Variants in NBEAL2 observed in about 807,000 individuals in gnomAD.
NBEAL2 encodes the protein neurobeachin-like protein 2.
In NBEAL2, 160 loss-of-function variants were observed where a neutral mutation model predicts 299.8. The observed-to-expected ratio is 0.53, with a 90% confidence interval of 0.47 to 0.61. The LOEUF is 0.61. NBEAL2 is among the 20% of genes least tolerant of loss of function. NBEAL2 has a pLI of 0.00. For missense variants in NBEAL2, 3,112 were observed against 3,649.0 expected (o/e 0.85, Z 3.79); for synonymous variants, 1,493 against 1,542.3 (o/e 0.97, Z 0.75).
At position 47,009,208 on chromosome 3, in the gene NBEAL2, A is replaced by ACG; in HGVS notation, c.8164-9_8164-8dup. 1 of 1,586,570 alleles carries ACG rather than the reference A, an allele frequency of 6.3e-7. No homozygotes were observed. Among genetic ancestry groups the ACG allele is most frequent in the Non-Finnish European group, 8.6e-7 (1 of 1,168,326 alleles). On this transcript the variant is annotated splice_polypyrimidine_tract_variant and intron_variant, in intron 53 of 53. Transcript: ENST00000450053. ...TCCCAGCTGATCCTACTCAACCCTT[A>ACG]CGCCCACCAGGTGCGCAGCAGCCAG...
rs757422918 is a variant in NBEAL2 at position 46,991,260 on chromosome 3, T to C, written c.598T>C (p.Leu200=). Residue 200 remains leucine, a synonymous_variant, in exon 7 of 54, where the codon TTA becomes CTA. Transcript: ENST00000450053. The surrounding 1 kb of genome is among the most constrained non-coding windows in gnomAD (Gnocchi z 6.2). ...NADHLPPILL[L]RLIHLFCAVL... ...AGACCACTTGCCTCCCATACTGCTG[T>C]TACGTCTCATCCACCTCTTCTGCGC... 4 of 1,608,216 alleles carry C rather than the reference T, an allele frequency of 2.5e-6. No homozygotes were observed. In the African/African-American group the frequency reaches 5.4e-5, roughly 22 times the overall value.
In NBEAL2 at chr3:47,001,626, C is replaced by T; in HGVS notation, c.4645-63C>T. The T allele has an allele frequency of 6.3e-7, 1 of 1,594,958 alleles. No individual in the cohort carries two copies. ...CCCCCAGCGCAAACTTTACTTTGCT[C>T]CCTTTCCATGGACTCCTGGCCTCCC... is the stretch of plus-strand genomic sequence containing the variant. On this transcript the variant is annotated intron_variant, in intron 29 of 53. Coordinates refer to ENST00000450053, the MANE Select transcript of NBEAL2 (RefSeq NM_015175.3). This position sits in a 1 kb window ranked among gnomAD's most constrained non-coding sequence, Gnocchi z 6.1.
rs1356978964 is a variant in NBEAL2, at chr3:47,007,092, G to A, written c.7161G>A (p.Val2387=). ...AEVVSDGVPL[V]LALVPHRQPH... ...TTGTCAGTGATGGTGTACCCCTGGT[G>A]CTAGCCCTGGTCCCCCACCGGCAGC... The change falls in exon 46 of 54, where the codon GTG becomes GTA. Residue 2387 remains valine (V), a synonymous_variant. Transcript: ENST00000450053. 3 of 1,612,812 alleles carry A rather than the reference G, an allele frequency of 1.9e-6. No homozygotes were observed. Among genetic ancestry groups the A allele is most frequent in the Admixed American group, 3.3e-5 (2 of 59,880 alleles).
chr3:47,002,164 A>T lies in NBEAL2; in HGVS notation c.5027A>T (p.Tyr1676Phe). 2 of 1,536,610 alleles carry T rather than the reference A, an allele frequency of 1.3e-6. No homozygotes were observed. Among genetic ancestry groups the T allele is most frequent in the Non-Finnish European group, 1.8e-6 (2 of 1,137,564 alleles). Reference protein sequence around the residue: ...PLVRTLLDRAYEPLGLQWGLP... With the variant: ...PLVRTLLDRAFEPLGLQWGLP... ...GTGCGCACGCTGCTAGACCGTGCCTATGAGCCGCTGGGGCTGCAGTGGGGA... is the reference window on the plus strand; with the variant it reads ...GTGCGCACGCTGCTAGACCGTGCCTTTGAGCCGCTGGGGCTGCAGTGGGGA... The change falls in exon 31 of 54, where the codon TAT becomes TTT. Residue 1676 changes from tyrosine to phenylalanine, a missense_variant. Transcript: ENST00000450053.
At chr3:47,007,463 C>A in intron 47 of NBEAL2, 62 bp from the exon 48 acceptor site, 2 of 1,570,310 alleles carry the variant, frequency 1.3e-6, no homozygotes, top group East Asian at 4.7e-5. Context: ...GCCAGGCTCC[C>A]TGAGGGCCTG....
rs1017146023 is a variant in NBEAL2 at position 47,002,164 on chromosome 3, A to G, written c.5027A>G (p.Tyr1676Cys). ...PLVRTLLDRAYEPLGLQWGLP... is the reference protein window; with the variant it reads ...PLVRTLLDRACEPLGLQWGLP... ...GTGCGCACGCTGCTAGACCGTGCCT[A>G]TGAGCCGCTGGGGCTGCAGTGGGGA... The change falls in exon 31 of 54, where the codon TAT (tyrosine) becomes TGT (cysteine). Residue 1676 changes from tyrosine to cysteine, a missense_variant. Around this residue, in one of 3 missense-constraint regions of NBEAL2, gnomAD observed 2,243 missense variants for 2,538.1 expected, o/e 0.88. Coordinates refer to ENST00000450053, the MANE Select transcript of NBEAL2 (RefSeq NM_015175.3). 4.6e-6 allele frequency: 7 copies of G among 1,536,490 alleles called. No homozygotes were observed. The highest frequency in any genetic ancestry group is 6.2e-6 in the Non-Finnish European group (7 of 1,137,570).
Position 47,000,948 on chromosome 3 carries a change from C to T in NBEAL2, c.4306-53C>T, listed in dbSNP as rs1189137650. On this transcript the variant is annotated intron_variant, in intron 27 of 53. Transcript: ENST00000450053. The surrounding 1 kb of genome is among the most constrained non-coding windows in gnomAD (Gnocchi z 4.5). The stretch of plus-strand genomic sequence containing the variant: ...GGGATGGGTGGGCGTCAGCCTGATT[C>T]CCTCCCTTAGCCGCCCACAACCCAC... 4 of 1,552,678 alleles carry T rather than the reference C, an allele frequency of 2.6e-6. No homozygotes were observed. The highest frequency in any genetic ancestry group is 1.9e-4 in the Middle Eastern group (1 of 5,376).
Position 46,991,872 on chromosome 3 carries a change from C to T in NBEAL2, c.958C>T (p.Arg320Trp), listed in dbSNP as rs369120748. 4.4e-6 allele frequency: 7 copies of T among 1,601,906 alleles called. No homozygotes were observed. Among genetic ancestry groups the T allele is most frequent in the Admixed American group, 1.7e-5 (1 of 58,546 alleles). Reference sequence around the variant, plus strand: ...CCCCATGATGCTGGCATGTGAAGACCGGCCAGTGCTGCAAGCCACCTTCCT... The same window carrying T: ...CCCCATGATGCTGGCATGTGAAGACTGGCCAGTGCTGCAAGCCACCTTCCT... ...AIPMMLACEDRPVLQATFLSN... is the reference protein window; with the variant it reads ...AIPMMLACEDWPVLQATFLSN... The change falls in exon 9 of 54, where the codon CGG becomes TGG. Residue 320 changes from arginine to tryptophan, a missense_variant. Arg to Trp is a moderately radical substitution (Grantham distance 101, BLOSUM62 -3). Transcript: ENST00000450053. The surrounding 1 kb of genome is among the most constrained non-coding windows in gnomAD (Gnocchi z 6.2).
chr3:46,991,926 C>G lies in NBEAL2; in HGVS notation c.1012C>G (p.Arg338Gly). ...LSNNCFEHLT[R>G]LIQNSKLYLQ... ...CAACAATTGCTTTGAACACCTCACT[C>G]GGCTCATTCAGAACAGCAAGGTGGG... Residue 338 changes from arginine (R) to glycine (G), a missense_variant, in exon 9 of 54, where the codon CGG becomes GGG. Physicochemically the swap from Arg to Gly is moderately radical, Grantham distance 125. This residue lies in a region of NBEAL2 where 2,243 missense variants were observed against 2,538.1 expected (regional missense o/e 0.88). Coordinates refer to ENST00000450053, the MANE Select transcript of NBEAL2 (RefSeq NM_015175.3). The surrounding 1 kb of genome is among the most constrained non-coding windows in gnomAD (Gnocchi z 6.2). The G allele has an allele frequency of 6.2e-7, 1 of 1,600,478 alleles. No homozygotes were observed. Among genetic ancestry groups the G allele is most frequent in the Non-Finnish European group, 8.5e-7 (1 of 1,173,700 alleles).
In NBEAL2 at chr3:47,003,257, T is replaced by G. The variant is rs1559614172; in HGVS notation, c.5668T>G (p.Leu1890Val). ...GGCCAAAGTGAGCACCCCACCCGAG[T>G]TGCTGCAGGAGGACCAGCTCGGCGA... ...KEAKVSTPPE[L>V]LQEDQLGEDE... is the part of the protein sequence containing the mutation. Residue 1890 changes from leucine to valine, a missense_variant, in exon 35 of 54, where the codon TTG (leucine) becomes GTG (valine). Around this residue, in one of 3 missense-constraint regions of NBEAL2, gnomAD observed 2,243 missense variants for 2,538.1 expected, o/e 0.88. Transcript: ENST00000450053. The surrounding 1 kb of genome is among the most constrained non-coding windows in gnomAD (Gnocchi z 7.0). 1 of 1,612,936 alleles carries G rather than the reference T, an allele frequency of 6.2e-7. No homozygotes were observed. The highest frequency in any genetic ancestry group is 8.5e-7 in the Non-Finnish European group (1 of 1,179,782).
Position 46,991,256 on chromosome 3 carries a change from G to T in NBEAL2, c.594G>T (p.Leu198=). 6.2e-7 allele frequency: 1 copy of T among 1,608,422 alleles called. No individual in the cohort carries two copies. Among genetic ancestry groups the T allele is most frequent in the African/African-American group, 1.3e-5 (1 of 74,862 alleles). ...LQNADHLPPI[L]LLRLIHLFCA... Reference sequence around the variant, plus strand: ...ATGCAGACCACTTGCCTCCCATACTGCTGTTACGTCTCATCCACCTCTTCT... The same window carrying T: ...ATGCAGACCACTTGCCTCCCATACTTCTGTTACGTCTCATCCACCTCTTCT... Residue 198 remains leucine, a synonymous_variant, in exon 7 of 54, where the codon CTG becomes CTT. Coordinates refer to ENST00000450053, the MANE Select transcript of NBEAL2 (RefSeq NM_015175.3). The surrounding 1 kb of genome is among the most constrained non-coding windows in gnomAD (Gnocchi z 6.2).
chr3:47,005,880 G>A (rs1191480165), intron 42 of NBEAL2, 33 bp downstream of exon 42: 1 of 1,612,608 alleles, frequency 6.2e-7, no homozygotes, highest in Non-Finnish European at 8.5e-7. Context: ...ACGGCAGGCA[G>A]CCGGGGTTCT....
In NBEAL2 at chr3:47,006,417, C is replaced by CA. The variant is rs2107448208; in HGVS notation, c.7103dup (p.His2368GlnfsTer15). 6.3e-7 allele frequency: 1 copy of CA among 1,591,860 alleles called. No homozygotes were observed. The highest frequency in any genetic ancestry group is 8.6e-7 in the Non-Finnish European group (1 of 1,169,060). On this transcript the variant is annotated frameshift_variant, in exon 45 of 54. Coordinates refer to ENST00000450053, the MANE Select transcript of NBEAL2 (RefSeq NM_015175.3). LOFTEE classifies it high-confidence loss of function. ...CACTAACTCACCTAGCATCTTCCAG[C>CA]ACCTGGACGAACTCAAGGCATTCTT... is the stretch of plus-strand genomic sequence containing the variant.
intron 33 of NBEAL2, 72 bp from the exon 34 acceptor site, chr3:47,002,884 TG>T: frequency 1.3e-6 from 2 of 1,582,522 alleles, no homozygotes; most frequent in Non-Finnish European, 8.6e-7. Flanking sequence ...AGACTGCCTT[TG>T]GGGTGAGGCC....
chr3:46,993,166 A>C (rs2036230406), intron 10 of NBEAL2, among the ~76,000 whole-genome samples: 1 of 152,154 alleles, frequency 6.6e-6, no homozygotes. Flanking sequence ...TAGAGCTTAC[A>C]CGTCTATTCA....
At chr3:46,996,209 G>GT in intron 15 of NBEAL2, 62 bp from the exon 16 acceptor site, 1 of 1,591,240 alleles carries the variant, frequency 6.3e-7, no homozygotes, top group Non-Finnish European at 8.5e-7. Flanking sequence ...TGAGGAACTG[G>GT]TTGTAGGCGG....
intron 24 of NBEAL2, 85 bp downstream of exon 24, chr3:46,999,202 C>T (rs1307760512): frequency 6.5e-6 from 10 of 1,533,562 alleles, no homozygotes; most frequent in Non-Finnish European, 8.8e-6. Context: ...GGCCTTGGGC[C>T]AGCGGATGAA....
Position 46,991,086 on chromosome 3 carries a change from C to A in NBEAL2, c.557-133C>A. On this transcript the variant is annotated intron_variant, in intron 6 of 53. Transcript: ENST00000450053. The surrounding 1 kb of genome is among the most constrained non-coding windows in gnomAD (Gnocchi z 6.2). Reference sequence around the variant, plus strand: ...CCCCAGGGCAGAGCCAGCTCTTATCCCTCACACTGGATCTTTTACTTGGCC... The same window carrying A: ...CCCCAGGGCAGAGCCAGCTCTTATCACTCACACTGGATCTTTTACTTGGCC... 1.3e-6 allele frequency: 1 copy of A among 745,874 alleles called. No homozygotes were observed. The highest frequency in any genetic ancestry group is 1.7e-5 in the South Asian group (1 of 60,132). The allele number at this position is 745,874 out of a possible 1,614,324, so 46.2% of individuals were successfully genotyped here. A position where few individuals can be genotyped will look rare whatever the true frequency, so the allele number is the denominator to read the frequency against.
rs1004357231 is a variant in NBEAL2, at chr3:46,982,362, G to T, written c.51+2450G>T. 6.6e-6 allele frequency among the ~76,000 whole-genome samples: 1 copy of T among 152,102 alleles called. No homozygotes were observed. The highest frequency in any genetic ancestry group is 1.5e-5 in the Non-Finnish European group (1 of 68,006). On this transcript the variant is annotated intron_variant, in intron 1 of 53. Coordinates refer to ENST00000450053, the MANE Select transcript of NBEAL2 (RefSeq NM_015175.3). This position sits in a 1 kb window ranked among gnomAD's most constrained non-coding sequence, Gnocchi z 4.2. The stretch of plus-strand genomic sequence containing the variant: ...AACCTGTTTCCCCAGTTGTGGGTCT[G>T]GGTGGGGATGGAGAGGGGGGAGTAA...
Sources: allele counts gnomAD v4.1 joint callset (sites outside exome capture counted in the v4.1 genomes callset), GRCh38; gene constraint gnomAD v4.1.1; regional missense constraint gnomAD v4.1.1; non-coding constraint Gnocchi (gnomAD v3.1); transcripts MANE v1.5; gene names NCBI Gene and HGNC (gene_info 2026-07-23, HGNC 2026-07-21).